The following MLEC variants were observed in gnomAD, a reference collection of about 807,000 sequenced individuals.
MLEC encodes the protein malectin, also known as oligosaccharyltransferase complex subunit (non-catalytic).
A neutral mutation model predicts 28.7 loss-of-function variants in MLEC; 7 were observed. That is an observed-to-expected ratio of 0.24 (90% CI 0.14 to 0.46). MLEC has a LOEUF of 0.46. MLEC is among the 20% of genes least tolerant of loss of function. The probability of loss-of-function intolerance (pLI) is 0.99; values close to 1 mark genes in which losing one functional copy is unlikely to be tolerated. For missense variants in MLEC, 237 were observed against 391.1 expected, an observed-to-expected ratio of 0.61 and a Z score of 3.32; for synonymous variants, 142 against 164.4, an observed-to-expected ratio of 0.86 and a Z score of 1.04.
chr12:120,695,021 A>G (rs2137419495), intron 3 of MLEC, 21 bp downstream of exon 3: 1 of 1,614,088 alleles, frequency 6.2e-7, no homozygotes, highest in Non-Finnish European at 8.5e-7. Context: ...TATTCTGCCC[A>G]TTGCTGAAGA....
rs1158713201 is a variant in MLEC, at chr12:120,699,704, G to A, written c.*3159G>A. On this transcript the variant is annotated 3_prime_UTR_variant, in exon 5 of 5. Transcript: ENST00000228506. ...AAGATAGTTTTCTTCAGGTGTCAAT[G>A]GCGTTAGACTCCCAGGAAGACTAGC... 3 of 152,368 alleles carry A rather than the reference G, an allele frequency of 2.0e-5. No individual in the cohort carries two copies. Among genetic ancestry groups the A allele is most frequent in the South Asian group, 2.1e-4 (1 of 4,832 alleles). 9.4% of individuals were successfully genotyped at this position (152,368 alleles called of 1,614,324 possible). A position where few individuals can be genotyped will look rare whatever the true frequency, so the allele number is the denominator to read the frequency against.
rs533459736 is a variant in MLEC, at chr12:120,701,275, G to A, written c.*4730G>A. On this transcript the variant is annotated 3_prime_UTR_variant, in exon 5 of 5. Transcript: ENST00000228506. The surrounding 1 kb of genome is among the most constrained non-coding windows in gnomAD (Gnocchi z 4.0). ...AGCCGAGTTGCGAGGTAGGAGGGGA[G>A]CACTGGCAGGGAGAGACATTCTTGA... 2.6e-5 allele frequency: 4 copies of A among 152,406 alleles called. No homozygotes were observed. The highest frequency in any genetic ancestry group is 2.6e-4 in the Admixed American group (4 of 15,286). 9.4% of individuals were successfully genotyped at this position (152,406 alleles called of 1,614,324 possible).
Position 120,694,186 on chromosome 12 carries a change from T to C in MLEC, c.331T>C (p.Tyr111His), listed in dbSNP as rs1882140586. 6.2e-7 allele frequency: 1 copy of C among 1,614,098 alleles called. No individual in the cohort carries two copies. Among genetic ancestry groups the C allele is most frequent in the Non-Finnish European group, 8.5e-7 (1 of 1,180,040 alleles). ...GCGGTACAATGAGGAGACCTTTGGC[T>C]ACGAAGTGCCCATCAAAGAGGAGGG... ...TERYNEETFG[Y>H]EVPIKEEGDY... is the part of the protein sequence containing the mutation. The change falls in exon 2 of 5, where the codon TAC becomes CAC. Residue 111 changes from tyrosine (Y) to histidine (H), a missense_variant. By Grantham distance (83) the Tyr-to-His change is moderately conservative (BLOSUM62 2). Transcript: ENST00000228506. The surrounding 1 kb of genome is among the most constrained non-coding windows in gnomAD (Gnocchi z 4.5).
chr12:120,694,767 C>T lies in MLEC; in HGVS notation c.415-57C>T. 6.6e-7 allele frequency: 1 copy of T among 1,511,070 alleles called. No individual in the cohort carries two copies. Among genetic ancestry groups the T allele is most frequent in the Non-Finnish European group, 9.0e-7 (1 of 1,111,046 alleles). The allele number at this position is 1,511,070 out of a possible 1,614,324, so 93.6% of individuals were successfully genotyped here. A position where few individuals can be genotyped will look rare whatever the true frequency, so the allele number is the denominator to read the frequency against. ...CAAACACGTGCATGATGTCCAACTG[C>T]TTGAAAGGATGTAAAGCTGATGGTT... On this transcript the variant is annotated intron_variant, in intron 2 of 4. Coordinates refer to ENST00000228506, the MANE Select transcript of MLEC (RefSeq NM_014730.4). This position sits in a 1 kb window ranked among gnomAD's most constrained non-coding sequence, Gnocchi z 4.5.
Position 120,696,209 on chromosome 12 carries a change from C to T in MLEC, c.650-107C>T, listed in dbSNP as rs1187584670. The T allele has an allele frequency of 3.5e-6, 5 of 1,418,850 alleles. No homozygotes were observed. The highest frequency in any genetic ancestry group is 4.8e-6 in the Non-Finnish European group (5 of 1,041,662). The allele number at this position is 1,418,850 out of a possible 1,614,324, so 87.9% of individuals were successfully genotyped here. On this transcript the variant is annotated intron_variant, in intron 4 of 4. Transcript: ENST00000228506. This position sits in a 1 kb window ranked among gnomAD's most constrained non-coding sequence, Gnocchi z 5.4. ...GCTACTTCTGGTCTTTTCTCTGGAC[C>T]CGGGTTCAATCACAGCAATCTCTTT...
At chr12:120,688,971 G>C (rs914417151) in intron 1 of MLEC, among the ~76,000 whole-genome samples, 3 of 152,216 alleles carry the variant, frequency 2.0e-5, no homozygotes, top group Non-Finnish European at 4.4e-5. Flanking sequence ...TGGGCAGGGA[G>C]GAAAGAGCCC....
chr12:120,689,927 C>A (rs994481312), intron 1 of MLEC, among the ~76,000 whole-genome samples: 1 of 152,142 alleles, frequency 6.6e-6, no homozygotes, highest in Admixed American at 6.5e-5. Context: ...CTTTGTAGTT[C>A]AACATTCTTG....
chr12:120,689,282 T>C (rs1034019637), intron 1 of MLEC, among the ~76,000 whole-genome samples: 1 of 152,142 alleles, frequency 6.6e-6, no homozygotes, highest in Non-Finnish European at 1.5e-5. Flanking sequence ...CCTTGGGTTA[T>C]TGGCTCATGG....
In MLEC at chr12:120,698,112, G is replaced by A. The variant is rs1882307020; in HGVS notation, c.*1567G>A. On this transcript the variant is annotated 3_prime_UTR_variant, in exon 5 of 5. Coordinates refer to ENST00000228506, the MANE Select transcript of MLEC (RefSeq NM_014730.4). Reference sequence around the variant, plus strand: ...CAAGCTAGAAGGAATTTTGTGGATGGGAGACAGCAGGATTAGCTTCAGCTT... The same window carrying A: ...CAAGCTAGAAGGAATTTTGTGGATGAGAGACAGCAGGATTAGCTTCAGCTT... 6.6e-6 allele frequency: 1 copy of A among 152,228 alleles called. No individual in the cohort carries two copies. 9.4% of individuals were successfully genotyped at this position (152,228 alleles called of 1,614,324 possible). A position where few individuals can be genotyped will look rare whatever the true frequency, so the allele number is the denominator to read the frequency against.
rs1212347514 is a variant in MLEC, at chr12:120,701,503, C to T, written c.*4958C>T. Reference sequence around the variant, plus strand: ...GGCTTGTCAGGAAACCAAGCCCACCCTTCCACATTGGGCCTGGCTGCTCTA... The same window carrying T: ...GGCTTGTCAGGAAACCAAGCCCACCTTTCCACATTGGGCCTGGCTGCTCTA... On this transcript the variant is annotated 3_prime_UTR_variant, in exon 5 of 5. Coordinates refer to ENST00000228506, the MANE Select transcript of MLEC (RefSeq NM_014730.4). This position sits in a 1 kb window ranked among gnomAD's most constrained non-coding sequence, Gnocchi z 4.0. 1 of 152,660 alleles carries T rather than the reference C, an allele frequency of 6.6e-6. No individual in the cohort carries two copies. The highest frequency in any genetic ancestry group is 6.5e-5 in the Admixed American group (1 of 15,286). 9.5% of individuals were successfully genotyped at this position (152,660 alleles called of 1,614,324 possible).
chr12:120,692,527 A>C (rs1882079670), intron 1 of MLEC, among the ~76,000 whole-genome samples: 1 of 152,076 alleles, frequency 6.6e-6, no homozygotes, highest in South Asian at 2.1e-4. Flanking sequence ...TCTCGTGGCT[A>C]ATGTCACTTA....
intron 1 of MLEC, among the ~76,000 whole-genome samples, chr12:120,690,202 G>A (rs991407474): frequency 6.6e-6 from 1 of 151,994 alleles, no homozygotes; most frequent in Non-Finnish European, 1.5e-5. Flanking sequence ...TAGACACAGG[G>A]GTCTCACTAT....
intron 1 of MLEC, among the ~76,000 whole-genome samples, chr12:120,688,494 T>C (rs1881910519): frequency 6.6e-6 from 1 of 152,154 alleles, no homozygotes; most frequent in South Asian, 2.1e-4. Context: ...GTTTCTTCTG[T>C]TGGAGGGATT....
At position 120,699,010 on chromosome 12, in the gene MLEC, C is replaced by T. The variant is rs561400881; in HGVS notation, c.*2465C>T. The T allele has an allele frequency of 6.5e-6, 1 of 152,722 alleles. No individual in the cohort carries two copies. Among genetic ancestry groups the T allele is most frequent in the South Asian group, 2.1e-4 (1 of 4,824 alleles). 9.5% of individuals were successfully genotyped at this position (152,722 alleles called of 1,614,324 possible). ...CAAGCCTATCCAGCTAACAAGAGCT[C>T]CCTGGGGCTGGTCACAGCTGGCTCA... On this transcript the variant is annotated 3_prime_UTR_variant, in exon 5 of 5. Coordinates refer to ENST00000228506, the MANE Select transcript of MLEC (RefSeq NM_014730.4).
Position 120,696,245 on chromosome 12 carries a change from A to AT in MLEC, c.650-68dup. ...CACAGCAATCTCTTTATTGTGGCTT[A>AT]TTTGCTGCTTTTAAGGGTCTCTCTT... On this transcript the variant is annotated intron_variant, in intron 4 of 4. Transcript: ENST00000228506. The surrounding 1 kb of genome is among the most constrained non-coding windows in gnomAD (Gnocchi z 5.4). The AT allele has an allele frequency of 6.4e-7, 1 of 1,569,262 alleles. No individual in the cohort carries two copies. Among genetic ancestry groups the AT allele is most frequent in the Non-Finnish European group, 8.6e-7 (1 of 1,157,998 alleles).
In MLEC at chr12:120,687,369, G is replaced by A. The variant is rs1354147807; in HGVS notation, c.73G>A (p.Ala25Thr). The A allele has an allele frequency of 1.2e-5, 16 of 1,373,872 alleles. No individual in the cohort carries two copies. Among genetic ancestry groups the A allele is most frequent in the Non-Finnish European group, 1.2e-5 (13 of 1,064,064 alleles). 85.1% of individuals were successfully genotyped at this position (1,373,872 alleles called of 1,614,324 possible). A position where few individuals can be genotyped will look rare whatever the true frequency, so the allele number is the denominator to read the frequency against. Reference protein sequence around the residue: ...LRLLLLLLPPAIRGPGLGVAG... With the variant: ...LRLLLLLLPPTIRGPGLGVAG... ...ACTGCTGCTGCTGCTGCTGCCGCCG[G>A]CGATCCGGGGACCCGGGCTCGGCGT... Residue 25 changes from alanine to threonine, a missense_variant, in exon 1 of 5, where the codon GCG becomes ACG. By Grantham distance (58) the Ala-to-Thr change is moderately conservative. Coordinates refer to ENST00000228506, the MANE Select transcript of MLEC (RefSeq NM_014730.4). The surrounding 1 kb of genome is among the most constrained non-coding windows in gnomAD (Gnocchi z 8.1).
At chr12:120,688,571 A>G (rs990409833) in intron 1 of MLEC, among the ~76,000 whole-genome samples, 1 of 152,254 alleles carries the variant, frequency 6.6e-6, no homozygotes, top group African/African-American at 2.4e-5. Context: ...TTCAGAGGCT[A>G]CCAAATTGGC....
intron 4 of MLEC, among the ~76,000 whole-genome samples, chr12:120,695,476 T>C (rs184553291): frequency 1.3e-5 from 2 of 152,200 alleles, no homozygotes; most frequent in East Asian, 3.9e-4. Context: ...CTAAAACTTG[T>C]CCTTATTCTG....
chr12:120,692,645 T>G (rs1882083387), intron 1 of MLEC, among the ~76,000 whole-genome samples: 1 of 150,648 alleles, frequency 6.6e-6, no homozygotes, highest in Non-Finnish European at 1.5e-5. Flanking sequence ...TGTTGATGAT[T>G]CAGAAGATAA....
Sources: gnomAD v4.1 joint callset for allele counts (sites outside exome capture counted in the v4.1 genomes callset) on GRCh38, gnomAD v4.1.1 for gene constraint, Gnocchi (gnomAD v3.1) non-coding constraint, MANE v1.5 for transcripts, NCBI Gene and HGNC (gene_info 2026-07-23, HGNC 2026-07-21) for gene names.